LUZP2: variants seen among roughly 807,000 people sequenced by gnomAD.
LUZP2 encodes leucine zipper protein 2.
Under a neutral mutation model 51.6 loss-of-function variants are expected in LUZP2, and 52 were observed. The ratio of observed to expected loss-of-function variants is 1.01; its 90% CI spans 0.81 to 1.27. The LOEUF is 1.27. Ranked by LOEUF, LUZP2 falls within the 50% of genes most tolerant of loss-of-function variation. LUZP2 has a pLI of 0.00. For missense variants in LUZP2, 436 were observed against 395.4 expected (o/e 1.10, Z -0.87); for synonymous variants, 154 against 137.3 (o/e 1.12, Z -0.85).
chr11:24,992,265 C>T (rs1856371715), intron 9 of LUZP2, among the ~76,000 whole-genome samples: 1 of 152,018 alleles, frequency 6.6e-6, no homozygotes, highest in Non-Finnish European at 1.5e-5. Context: ...TTAAATTGAA[C>T]TACTAGAATT....
At chr11:24,821,917 A>G (rs1404242472) in intron 5 of LUZP2, among the ~76,000 whole-genome samples, 1 of 150,572 alleles carries the variant, frequency 6.6e-6, no homozygotes, top group Non-Finnish European at 1.5e-5. Context: ...TATTAATAAT[A>G]GAAAAATAGA....
At chr11:24,720,561 G>T (rs960107918) in intron 1 of LUZP2, among the ~76,000 whole-genome samples, 2 of 152,124 alleles carry the variant, frequency 1.3e-5, no homozygotes, top group Non-Finnish European at 2.9e-5. Context: ...TTGCTGTGCT[G>T]ATACTACATT....
At chr11:24,512,130 C>G (rs958403970) in intron 1 of LUZP2, among the ~76,000 whole-genome samples, 1 of 152,016 alleles carries the variant, frequency 6.6e-6, no homozygotes, top group Non-Finnish European at 1.5e-5. Flanking sequence ...GTATATTGGG[C>G]TGAACAGGGG....
chr11:24,865,179 C>T (rs953091881), intron 5 of LUZP2, among the ~76,000 whole-genome samples: 1 of 152,184 alleles, frequency 6.6e-6, no homozygotes, highest in African/African-American at 2.4e-5. Flanking sequence ...CCATGTACTA[C>T]TTTTTTGGCT....
intron 5 of LUZP2, among the ~76,000 whole-genome samples, chr11:24,772,196 A>G (rs1253688083): frequency 6.6e-5 from 10 of 152,232 alleles, no homozygotes; most frequent in Non-Finnish European, 8.8e-5. Context: ...AAAAAAAACA[A>G]TAAAGGTCAA....
Position 24,831,708 on chromosome 11 carries a change from TA to T in LUZP2, c.396+68404del, listed in dbSNP as rs201761640. Among the ~76,000 whole-genome samples, 212 of 152,286 alleles carry T rather than the reference TA, an allele frequency of 1.4e-3. 4 individuals carry two copies. In the East Asian group the frequency reaches 0.033, roughly 24 times the overall value. On this transcript the variant is annotated intron_variant, in intron 5 of 11. Transcript: ENST00000336930. The stretch of plus-strand genomic sequence containing the variant: ...AGAAAGTGTTTAATTTATGTAGACT[TA>T]AAATATTATATTTTAAACAAAGAAA...
At chr11:24,501,645 C>T (rs576545268) in intron 1 of LUZP2, among the ~76,000 whole-genome samples, 2 of 152,274 alleles carry the variant, frequency 1.3e-5, no homozygotes, top group East Asian at 3.9e-4. Flanking sequence ...TCCAAAAAGA[C>T]TCTCTGAACT....
chr11:24,715,294 TGTGTGTGTGTGTGC>T lies in LUZP2; in HGVS notation c.63-13874_63-13861del, dbSNP rs746819995. On this transcript the variant is annotated intron_variant, in intron 1 of 11. Coordinates refer to ENST00000336930, the MANE Select transcript of LUZP2 (RefSeq NM_001009909.4). ...GTGTGTGTGTGTGTGTGTGTGTGTG[TGTGTGTGTGTGTGC>T]ATGCGTATTTCTAAATATATCTTGG... is the stretch of plus-strand genomic sequence containing the variant. Among the ~76,000 whole-genome samples the T allele has an allele frequency of 2.8e-3, 391 of 139,068 alleles. 2 individuals carry two copies. Among genetic ancestry groups the T allele is most frequent in the South Asian group, 8.8e-3 (39 of 4,454 alleles). The allele number at this position is 139,068 out of a possible 152,430, so 91.2% of individuals were successfully genotyped here.
At chr11:24,964,938 T>C (rs1053765669) in intron 7 of LUZP2, among the ~76,000 whole-genome samples, 5 of 151,850 alleles carry the variant, frequency 3.3e-5, no homozygotes, top group African/African-American at 1.2e-4. Flanking sequence ...TTTTTAATGA[T>C]AGAGTAAGTA....
intron 1 of LUZP2, among the ~76,000 whole-genome samples, chr11:24,505,278 G>C (rs1850113333): frequency 6.6e-6 from 1 of 152,118 alleles, no homozygotes. Context: ...CTGATAAATG[G>C]AGTCGGGGAG....
intron 5 of LUZP2, among the ~76,000 whole-genome samples, chr11:24,904,755 TCCTTA>T (rs1337213157): frequency 1.3e-5 from 2 of 152,088 alleles, no homozygotes; most frequent in South Asian, 2.1e-4. Flanking sequence ...AAGTAGTAAA[TCCTTA>T]CCTATCAATA....
chr11:24,929,085 C>T (rs377525881), intron 7 of LUZP2, among the ~76,000 whole-genome samples: 34 of 151,094 alleles, frequency 2.3e-4, no homozygotes, highest in African/African-American at 7.5e-4. Flanking sequence ...TAATATATCC[C>T]CTTTCATTTC....
intron 4 of LUZP2, among the ~76,000 whole-genome samples, chr11:24,752,028 A>G (rs1217452426): frequency 2.6e-5 from 4 of 152,156 alleles, no homozygotes; most frequent in Non-Finnish European, 5.9e-5. Flanking sequence ...AGTAATAATG[A>G]CAAATTTATA....
intron 5 of LUZP2, among the ~76,000 whole-genome samples, chr11:24,895,719 T>G (rs1396360891): frequency 6.6e-6 from 1 of 152,246 alleles, no homozygotes; most frequent in East Asian, 1.9e-4. Flanking sequence ...TAGTATTCCA[T>G]GGTGTATATG....
At chr11:24,606,837 C>A (rs1369644247) in intron 1 of LUZP2, among the ~76,000 whole-genome samples, 1 of 151,884 alleles carries the variant, frequency 6.6e-6, no homozygotes, top group Non-Finnish European at 1.5e-5. Flanking sequence ...TTATTAATAA[C>A]CTAAGGGATG....
chr11:24,683,465 A>G (rs780109927), intron 1 of LUZP2, among the ~76,000 whole-genome samples: 17 of 152,186 alleles, frequency 1.1e-4, no homozygotes, highest in Non-Finnish European at 1.8e-4. Flanking sequence ...TTATATTTCA[A>G]CATTCATTTC....
At chr11:24,498,661 C>T (rs1318463775) in intron 1 of LUZP2, among the ~76,000 whole-genome samples, 1 of 152,172 alleles carries the variant, frequency 6.6e-6, no homozygotes, top group African/African-American at 2.4e-5. Flanking sequence ...ATTAGTTGCT[C>T]TAAATACAGA....
In LUZP2 at chr11:24,597,458, C is replaced by A. The variant is rs77328028; in HGVS notation, c.62+100153C>A. On this transcript the variant is annotated intron_variant, in intron 1 of 11. Transcript: ENST00000336930. ...ATACATTCAAAGGTTCAGTGTTTCCCAAAGTATGTTGTGTGCTGTGGTTTT... is the reference window on the plus strand; with the variant it reads ...ATACATTCAAAGGTTCAGTGTTTCCAAAAGTATGTTGTGTGCTGTGGTTTT... Among the ~76,000 whole-genome samples, 1,324 of 152,218 alleles carry A rather than the reference C, an allele frequency of 8.7e-3. 15 individuals carry two copies. The highest frequency in any genetic ancestry group is 0.029 in the African/African-American group (1,203 of 41,544).
At chr11:24,635,151 A>G (rs1473700864) in intron 1 of LUZP2, among the ~76,000 whole-genome samples, 1 of 152,054 alleles carries the variant, frequency 6.6e-6, no homozygotes, top group Admixed American at 6.6e-5. Flanking sequence ...TACCCATGTA[A>G]CAAAACTGCA....
Sources: allele counts gnomAD v4.1 joint callset (sites outside exome capture counted in the v4.1 genomes callset), GRCh38; gene constraint gnomAD v4.1.1; transcripts MANE v1.5; gene names NCBI Gene and HGNC (gene_info 2026-07-23, HGNC 2026-07-21).